Variants in VSTM2B observed in about 807,000 individuals in gnomAD.
The protein encoded by VSTM2B is V-set and transmembrane domain containing 2B.
VSTM2B carries 24 observed loss-of-function variants against 24.0 expected under a neutral mutation model. The observed-to-expected ratio is 1.00, with a 90% CI of 0.72 to 1.40. The LOEUF is 1.40. Among genes scored for constraint, VSTM2B ranks in the 40% most tolerant of loss-of-function variants. VSTM2B has a pLI of 0.00. For missense variants in VSTM2B, 399 were observed against 416.4 expected, an observed-to-expected ratio of 0.96 and a Z score of 0.36; for synonymous variants, 226 against 194.4, an observed-to-expected ratio of 1.16 and a Z score of -1.35.
chr19:29,539,170 C>T (rs1407295749), intron 4 of VSTM2B, among the ~76,000 whole-genome samples: 1 of 152,128 alleles, frequency 6.6e-6, no homozygotes, highest in Non-Finnish European at 1.5e-5. Flanking sequence ...ATCATGGTTT[C>T]GTGTGGTCCA....
At chr19:29,554,211 C>G (rs868138908) in intron 4 of VSTM2B, among the ~76,000 whole-genome samples, 2 of 152,200 alleles carry the variant, frequency 1.3e-5, no homozygotes, top group South Asian at 2.1e-4. Flanking sequence ...GCCCATTATA[C>G]TAATGGTGGA....
intron 4 of VSTM2B, among the ~76,000 whole-genome samples, chr19:29,548,439 T>C (rs1412292447): frequency 1.3e-5 from 2 of 152,218 alleles, no homozygotes; most frequent in Non-Finnish European, 2.9e-5. Context: ...CTGCCCCAGT[T>C]ACAGTACACA....
intron 4 of VSTM2B, among the ~76,000 whole-genome samples, chr19:29,535,108 T>G (rs576838696): frequency 6.6e-6 from 1 of 152,216 alleles, no homozygotes; most frequent in Non-Finnish European, 1.5e-5. Flanking sequence ...AAACATGGAC[T>G]GCATTAGCAG....
At chr19:29,543,358 C>T (rs950038027) in intron 4 of VSTM2B, among the ~76,000 whole-genome samples, 12 of 152,200 alleles carry the variant, frequency 7.9e-5, no homozygotes, top group African/African-American at 2.9e-4. Context: ...AGCACTATCC[C>T]TGGGCAATTA....
At chr19:29,528,595 C>A in intron 3 of VSTM2B, 133 bp downstream of exon 3, 2 of 1,137,444 alleles carry the variant, frequency 1.8e-6, no homozygotes, top group Non-Finnish European at 2.5e-6. Context: ...CGCAGCCTTG[C>A]ATCGGTGGCT....
In VSTM2B at chr19:29,526,629, C is replaced by T; in HGVS notation, c.46C>T (p.Leu16=). 6.5e-7 allele frequency: 1 copy of T among 1,531,256 alleles called. No homozygotes were observed. Among genetic ancestry groups the T allele is most frequent in the Non-Finnish European group, 8.7e-7 (1 of 1,144,114 alleles). 94.9% of individuals were successfully genotyped at this position (1,531,256 alleles called of 1,614,324 possible). A position where few individuals can be genotyped will look rare whatever the true frequency, so the allele number is the denominator to read the frequency against. ...CGGTGCCCTCGGATACCTGCCGCCT[C>T]TGCTGCTGCATGCCCTGCTGCTCTT... ...RLGALGYLPP[L]LLHALLLFVA... Residue 16 remains leucine (L), a synonymous_variant, in exon 1 of 5, where the codon CTG becomes TTG. Coordinates refer to ENST00000335523, the MANE Select transcript of VSTM2B (RefSeq NM_001146339.2). This position sits in a 1 kb window ranked among gnomAD's most constrained non-coding sequence, Gnocchi z 4.1.
At chr19:29,529,671 G>T in intron 3 of VSTM2B, 148 bp from the exon 4 acceptor site, 1 of 798,264 alleles carries the variant, frequency 1.3e-6, no homozygotes, top group Non-Finnish European at 2.0e-6. Flanking sequence ...GGTAGACGCG[G>T]GTGAAAGGGA....
At chr19:29,544,503 G>A (rs1489498986) in intron 4 of VSTM2B, among the ~76,000 whole-genome samples, 1 of 127,658 alleles carries the variant, frequency 7.8e-6, no homozygotes, top group East Asian at 2.4e-4. Flanking sequence ...TCCAGCCTGG[G>A]CGAAAGAGCG....
intron 4 of VSTM2B, among the ~76,000 whole-genome samples, chr19:29,530,816 C>G (rs138928343): frequency 1.4e-3 from 210 of 152,246 alleles, no homozygotes; most frequent in Non-Finnish European, 2.4e-3. Context: ...CCTACGCCCT[C>G]TTTGGCTAAA....
At chr19:29,528,740 C>T (rs1195527261) in intron 3 of VSTM2B, among the ~76,000 whole-genome samples, 1 of 152,246 alleles carries the variant, frequency 6.6e-6, no homozygotes, top group Admixed American at 6.5e-5. Context: ...TCGGACTGCG[C>T]GCTTAGGGCC....
chr19:29,528,009 G>A (rs924130819), intron 2 of VSTM2B, among the ~76,000 whole-genome samples: 1 of 152,188 alleles, frequency 6.6e-6, no homozygotes, highest in Non-Finnish European at 1.5e-5. Flanking sequence ...GTCCCACCCA[G>A]AGTTACTCCC....
At chr19:29,551,425 C>A (rs377557768) in intron 4 of VSTM2B, among the ~76,000 whole-genome samples, 1 of 150,010 alleles carries the variant, frequency 6.7e-6, no homozygotes, top group Admixed American at 6.6e-5. Flanking sequence ...CCCAGACAAG[C>A]TGCTGGGCTG....
At position 29,526,815 on chromosome 19, in the gene VSTM2B, G is replaced by A; in HGVS notation, c.82+150G>A. 1.4e-6 allele frequency: 1 copy of A among 692,000 alleles called. No individual in the cohort carries two copies. 42.9% of individuals were successfully genotyped at this position (692,000 alleles called of 1,614,324 possible). A position where few individuals can be genotyped will look rare whatever the true frequency, so the allele number is the denominator to read the frequency against. On this transcript the variant is annotated intron_variant, in intron 1 of 4. Transcript: ENST00000335523. This position sits in a 1 kb window ranked among gnomAD's most constrained non-coding sequence, Gnocchi z 4.1. ...CCTGGGCCCGGAGGGGTAGGGAGAG[G>A]CGAGCGGCGAAGGGTCGCCGCAGCA...
chr19:29,528,878 G>A (rs1283651233), intron 3 of VSTM2B: 1 of 980,522 alleles, frequency 1.0e-6, no homozygotes, highest in East Asian at 1.1e-4. Context: ...CATCTGCTCT[G>A]CGCCCTCCGC....
Position 29,526,747 on chromosome 19 carries a change from C to A in VSTM2B, c.82+82C>A, listed in dbSNP as rs943124700. 1.5e-6 allele frequency: 2 copies of A among 1,312,398 alleles called. No homozygotes were observed. Among genetic ancestry groups the A allele is most frequent in the Non-Finnish European group, 1.0e-6 (1 of 961,036 alleles). 81.3% of individuals were successfully genotyped at this position (1,312,398 alleles called of 1,614,324 possible). A position where few individuals can be genotyped will look rare whatever the true frequency, so the allele number is the denominator to read the frequency against. ...CCACCGAGAAGAAGAAGAAAGAGAA[C>A]GAACCGGGAAGCTTCGCGGTCTCCA... On this transcript the variant is annotated intron_variant, in intron 1 of 4. Coordinates refer to ENST00000335523, the MANE Select transcript of VSTM2B (RefSeq NM_001146339.2). The surrounding 1 kb of genome is among the most constrained non-coding windows in gnomAD (Gnocchi z 4.1).
At chr19:29,548,463 A>G (rs1327487512) in intron 4 of VSTM2B, among the ~76,000 whole-genome samples, 1 of 152,230 alleles carries the variant, frequency 6.6e-6, no homozygotes, top group Non-Finnish European at 1.5e-5. Context: ...ATTTTATGGC[A>G]GAAACTAATT....
In VSTM2B at chr19:29,528,420, C is replaced by T. The variant is rs1217776919; in HGVS notation, c.268-13C>T. On this transcript the variant is annotated splice_polypyrimidine_tract_variant and intron_variant, in intron 2 of 4. Transcript: ENST00000335523. The stretch of plus-strand genomic sequence containing the variant: ...GCGAGCCTCACGTCTCTCTCTCCCT[C>T]TTTGCATTTTAGGTAACAAATAAGG... The T allele has an allele frequency of 6.4e-7, 1 of 1,551,234 alleles. No homozygotes were observed. Among genetic ancestry groups the T allele is most frequent in the Non-Finnish European group, 8.7e-7 (1 of 1,146,970 alleles).
At chr19:29,528,396 C>G (rs1031086019) in intron 2 of VSTM2B, 37 bp from the exon 3 acceptor site, 3 of 1,551,024 alleles carry the variant, frequency 1.9e-6, no homozygotes, top group Non-Finnish European at 2.6e-6. Flanking sequence ...CAGAAGGCCG[C>G]GAGCCTCACG....
intron 3 of VSTM2B, among the ~76,000 whole-genome samples, chr19:29,528,676 C>T (rs79196736): frequency 0.018 from 2,808 of 152,340 alleles, 98 homozygotes; most frequent in African/African-American, 0.063. Flanking sequence ...ATCAAGGGTC[C>T]AAGGCTTGAG....
Sources: gnomAD v4.1 joint callset for allele counts (sites outside exome capture counted in the v4.1 genomes callset) on GRCh38, gnomAD v4.1.1 for gene constraint, Gnocchi (gnomAD v3.1) non-coding constraint, MANE v1.5 for transcripts, NCBI Gene and HGNC (gene_info 2026-07-23, HGNC 2026-07-21) for gene names.